Variants in DGUOK observed in about 807,000 individuals in gnomAD.
DGUOK encodes the protein deoxyguanosine kinase, mitochondrial.
In DGUOK, 30 loss-of-function variants were observed where a neutral mutation model predicts 36.6. The observed-to-expected ratio is 0.82, with a 90% CI of 0.61 to 1.11. The LOEUF (loss-of-function observed/expected upper bound fraction) is 1.11, where lower values mean the gene tolerates loss of function less well. Among genes scored for constraint, DGUOK ranks in the 50% most tolerant of loss-of-function variants. DGUOK has a pLI of 0.00. For missense variants in DGUOK, 361 were observed against 336.4 expected, an observed-to-expected ratio of 1.07 and a Z score of -0.57; for synonymous variants, 145 against 126.3, an observed-to-expected ratio of 1.15 and a Z score of -0.99.
At chr2:73,945,116 CTGT>C (rs1223409743) in intron 2 of DGUOK, among the ~76,000 whole-genome samples, 2 of 152,356 alleles carry the variant, frequency 1.3e-5, no homozygotes, top group South Asian at 2.1e-4. Flanking sequence ...GGACTTCTTA[CTGT>C]TGTTGAATCT....
At position 73,926,940 on chromosome 2, in the gene DGUOK, G is replaced by A. The variant is rs1254842726; in HGVS notation, c.30G>A (p.Arg10=). ...CCGCGGGCCGCCTCTTTCTAAGTCG[G>A]CTTCGAGCACCCTTCAGTTCCATGG... The part of the protein sequence containing the change: MAAGRLFLS[R]LRAPFSSMAK... The change falls in exon 1 of 7, where the codon CGG becomes CGA. Residue 10 remains arginine (R), a synonymous_variant. Transcript: ENST00000264093. 2 of 1,613,462 alleles carry A rather than the reference G, an allele frequency of 1.2e-6. No homozygotes were observed. The highest frequency in any genetic ancestry group is 1.1e-5 in the South Asian group (1 of 91,090).
chr2:73,939,113 C>T (rs1174136280), intron 2 of DGUOK, 91 bp downstream of exon 2: 1 of 825,936 alleles, frequency 1.2e-6, no homozygotes, highest in Non-Finnish European at 2.1e-6. Context: ...TAAAGTAGCC[C>T]AGTTTGAGTA....
chr2:73,928,705 C>T (rs1385629405), intron 1 of DGUOK, among the ~76,000 whole-genome samples: 1 of 152,116 alleles, frequency 6.6e-6, no homozygotes, highest in Non-Finnish European at 1.5e-5. Context: ...GGTTTTTAAT[C>T]TTACCGAGAT....
At chr2:73,945,065 A>G (rs1682191519) in intron 2 of DGUOK, among the ~76,000 whole-genome samples, 1 of 152,226 alleles carries the variant, frequency 6.6e-6, no homozygotes, top group Non-Finnish European at 1.5e-5. Context: ...CAAAGGGCTA[A>G]GACCCTTCTT....
intron 4 of DGUOK, among the ~76,000 whole-genome samples, chr2:73,954,162 T>G (rs766344866): frequency 7.9e-5 from 12 of 151,502 alleles, no homozygotes; most frequent in African/African-American, 1.2e-4. Context: ...GGCAACATAG[T>G]GAGAGCCCCC....
rs1157034951 is a variant in DGUOK, at chr2:73,927,017, G to C, written c.107G>C (p.Arg36Pro). ...TCCTCCAGAGGCCTGCACGCGGGGCGCGGGCCCCGAAGGCTCTCCATCGAA... is the reference window on the plus strand; with the variant it reads ...TCCTCCAGAGGCCTGCACGCGGGGCCCGGGCCCCGAAGGCTCTCCATCGAA... The part of the protein sequence containing the change: ...VSSSRGLHAG[R>P]GPRRLSIEGN... The change falls in exon 1 of 7, where the codon CGC becomes CCC. Residue 36 changes from arginine to proline, a missense_variant. Coordinates refer to ENST00000264093, the MANE Select transcript of DGUOK (RefSeq NM_080916.3). The C allele has an allele frequency of 6.2e-7, 1 of 1,610,894 alleles. No individual in the cohort carries two copies. The highest frequency in any genetic ancestry group is 2.2e-5 in the East Asian group (1 of 44,886).
chr2:73,956,614 G>A (rs971446800), intron 4 of DGUOK, among the ~76,000 whole-genome samples: 3 of 152,184 alleles, frequency 2.0e-5, no homozygotes, highest in Non-Finnish European at 4.4e-5. Flanking sequence ...TGCACTGCTA[G>A]TACCTTATGA....
In DGUOK at chr2:73,946,813, G is replaced by A; in HGVS notation, c.350G>A (p.Ser117Asn). ...ACATTCCAGACATTTTCCTTTTTGA[G>A]CCGCCTGAAAGTACAGCTGGAGCCC... Reference protein sequence around the residue: ...SYTFQTFSFLSRLKVQLEPFP... With the variant: ...SYTFQTFSFLNRLKVQLEPFP... Residue 117 changes from serine to asparagine, a missense_variant, in exon 3 of 7, where the codon AGC becomes AAC. Coordinates refer to ENST00000264093, the MANE Select transcript of DGUOK (RefSeq NM_080916.3). The A allele has an allele frequency of 6.2e-7, 1 of 1,614,004 alleles. No homozygotes were observed. The highest frequency in any genetic ancestry group is 8.5e-7 in the Non-Finnish European group (1 of 1,180,016).
At chr2:73,942,882 C>T (rs951715029) in intron 2 of DGUOK, among the ~76,000 whole-genome samples, 5 of 152,146 alleles carry the variant, frequency 3.3e-5, no homozygotes, top group African/African-American at 1.2e-4. Context: ...AGAATAGTAA[C>T]TGTTTTTATC....
intron 1 of DGUOK, among the ~76,000 whole-genome samples, 177 bp downstream of exon 1, chr2:73,927,229 A>G (rs924474904): frequency 6.6e-6 from 1 of 152,144 alleles, no homozygotes; most frequent in East Asian, 1.9e-4. Flanking sequence ...CCTTGTTTTT[A>G]GGATATCGGG....
At chr2:73,949,649 G>A (rs984573760) in intron 3 of DGUOK, among the ~76,000 whole-genome samples, 5 of 152,210 alleles carry the variant, frequency 3.3e-5, no homozygotes, top group Admixed American at 3.3e-4. Context: ...CTTGCAGTCT[G>A]TACTTTCCTG....
intron 1 of DGUOK, chr2:73,932,608 C>G (rs772056245): frequency 1.5e-6 from 2 of 1,297,896 alleles, no homozygotes; most frequent in South Asian, 1.2e-5. Flanking sequence ...GTAACATCCT[C>G]AAGCAAATCA....
intron 2 of DGUOK, among the ~76,000 whole-genome samples, chr2:73,945,262 C>T (rs1682211608): frequency 6.6e-6 from 1 of 152,190 alleles, no homozygotes; most frequent in Non-Finnish European, 1.5e-5. Context: ...CCTGAGATTC[C>T]TTCCACCATC....
At chr2:73,946,593 T>C (rs1264508438) in intron 2 of DGUOK, 126 bp from the exon 3 acceptor site, 4 of 889,470 alleles carry the variant, frequency 4.5e-6, no homozygotes, top group Non-Finnish European at 7.1e-6. Flanking sequence ...AAGGAAACTT[T>C]TGTAATTTCT....
intron 1 of DGUOK, among the ~76,000 whole-genome samples, chr2:73,930,503 C>G (rs1277549342): frequency 1.3e-5 from 2 of 152,198 alleles, no homozygotes; most frequent in Admixed American, 1.3e-4. Flanking sequence ...AAGCTCTGTC[C>G]TCAAATCCCA....
chr2:73,927,175 A>T, intron 1 of DGUOK, 123 bp downstream of exon 1: 1 of 1,367,200 alleles, frequency 7.3e-7, no homozygotes, highest in Non-Finnish European at 1.0e-6. Flanking sequence ...CTGGGCTGCG[A>T]GGAGAGCCTT....
At chr2:73,948,542 C>T (rs1199224057) in intron 3 of DGUOK, among the ~76,000 whole-genome samples, 2 of 152,180 alleles carry the variant, frequency 1.3e-5, no homozygotes, top group African/African-American at 2.4e-5. Flanking sequence ...GTTGAAGCAC[C>T]AAGGCTGGCC....
chr2:73,943,932 C>T (rs1372464726), intron 2 of DGUOK, among the ~76,000 whole-genome samples: 1 of 152,168 alleles, frequency 6.6e-6, no homozygotes, highest in African/African-American at 2.4e-5. Context: ...CAGGCATGAG[C>T]CACCATGTCC....
At chr2:73,953,314 G>A (rs940572821) in intron 4 of DGUOK, among the ~76,000 whole-genome samples, 9 of 141,754 alleles carry the variant, frequency 6.3e-5, no homozygotes, top group Non-Finnish European at 1.1e-4. Context: ...CGTCGTCGTC[G>A]TCACTTGGGG....
Sources: allele counts gnomAD v4.1 joint callset (sites outside exome capture counted in the v4.1 genomes callset), GRCh38; gene constraint gnomAD v4.1.1; transcripts MANE v1.5; gene names NCBI Gene and HGNC (gene_info 2026-07-23, HGNC 2026-07-21).